TEX11: variants seen among roughly 807,000 people sequenced by gnomAD.
TEX11 encodes the protein testis-expressed protein 11.
Under a neutral mutation model 84.4 loss-of-function variants are expected in TEX11, and 7 were observed. The ratio of observed to expected loss-of-function variants is 0.08; its 90% CI spans 0.05 to 0.16. TEX11 has a LOEUF of 0.16. Ranked by LOEUF, TEX11 falls within the 10% of genes least tolerant of loss-of-function variation. The pLI is 1.00. For synonymous variants in TEX11, 264 were observed against 222.8 expected (o/e 1.18, Z -1.64); for missense variants, 551 against 660.5 (o/e 0.83, Z 1.82).
At chrX:70,632,159 T>C (rs2089518652) in intron 17 of TEX11, among the ~76,000 whole-genome samples, 1 of 110,019 alleles carries the variant, frequency 9.1e-6, no homozygotes, top group African/African-American at 3.3e-5. Context: ...TATCAAAATT[T>C]GTGTATCGTC....
chrX:70,592,304 G>A (rs1036907582), intron 24 of TEX11, among the ~76,000 whole-genome samples: 7 of 111,274 alleles, frequency 6.3e-5, no homozygotes, highest in African/African-American at 2.0e-4. Flanking sequence ...CTCACCATCC[G>A]CCAGCTCAGT....
chrX:70,731,876 C>T (rs1455929159), intron 11 of TEX11, among the ~76,000 whole-genome samples: 11 of 111,508 alleles, frequency 9.9e-5, no homozygotes, highest in South Asian at 3.9e-4. Flanking sequence ...ACCAATATCC[C>T]TGATGAACAT....
chrX:70,624,954 T>A lies in TEX11; in HGVS notation c.1609-30A>T, dbSNP rs776293279. The A allele has an allele frequency of 2.9e-6, 3 of 1,051,234 alleles. No individual in the cohort carries two copies. The East Asian group carries it at 9.2e-5, about 32-fold the overall frequency. The allele number at this position is 1,051,234 out of a possible 1,213,427, so 86.6% of individuals were successfully genotyped here. A position where few individuals can be genotyped will look rare whatever the true frequency, so the allele number is the denominator to read the frequency against. On this transcript the variant is annotated intron_variant, in intron 18 of 29. Coordinates refer to ENST00000374333, the MANE Select transcript of TEX11 (RefSeq NM_031276.3). ...AAAGAACAAATATAATACGTTAAAT[T>A]ACATCTCAAAGTGATACTGCAAAAT...
chrX:70,706,136 G>T (rs2090372933), intron 13 of TEX11, among the ~76,000 whole-genome samples: 1 of 111,217 alleles, frequency 9.0e-6, no homozygotes, highest in African/African-American at 3.3e-5. Context: ...CCATAAAAAA[G>T]GATGGGTTCA....
At chrX:70,865,434 C>A (rs1394879497) in intron 4 of TEX11, among the ~76,000 whole-genome samples, 2 of 111,416 alleles carry the variant, frequency 1.8e-5, no homozygotes, top group Middle Eastern at 4.2e-3. Context: ...AACTCCCACA[C>A]AATAATAGCG....
At chrX:70,642,063 A>C (rs1370039528) in intron 17 of TEX11, among the ~76,000 whole-genome samples, 1 of 109,798 alleles carries the variant, frequency 9.1e-6, no homozygotes, top group East Asian at 2.8e-4. Context: ...TCAAATAGAC[A>C]CAATAAAAAA....
chrX:70,881,647 C>T (rs754569208), intron 2 of TEX11, among the ~76,000 whole-genome samples: 1 of 110,596 alleles, frequency 9.0e-6, no homozygotes, highest in Non-Finnish European at 1.9e-5. Flanking sequence ...TCCTATTTAC[C>T]CTGATGTGAT....
chrX:70,834,205 A>AT (rs397933935), intron 7 of TEX11, among the ~76,000 whole-genome samples: 15 of 109,614 alleles, frequency 1.4e-4, no homozygotes, highest in South Asian at 7.8e-4. Context: ...AAAAAAAAAA[A>AT]TTTTAAGAAA....
intron 9 of TEX11, among the ~76,000 whole-genome samples, chrX:70,750,146 T>G (rs1461911075): frequency 8.9e-6 from 1 of 111,814 alleles, no homozygotes; most frequent in African/African-American, 3.3e-5. Flanking sequence ...AGAAGACATT[T>G]ATGCAGCCAA....
chrX:70,782,734 A>G (rs1188153440), intron 9 of TEX11, among the ~76,000 whole-genome samples: 2 of 109,698 alleles, frequency 1.8e-5, no homozygotes, highest in African/African-American at 6.7e-5. Flanking sequence ...AAGACAAAGA[A>G]GGCCATTACA....
intron 13 of TEX11, among the ~76,000 whole-genome samples, chrX:70,721,550 G>A (rs1462773944): frequency 8.9e-6 from 1 of 111,969 alleles, no homozygotes. Flanking sequence ...ATCAATTAAT[G>A]GATTGCTGTT....
intron 3 of TEX11, among the ~76,000 whole-genome samples, chrX:70,878,755 A>C (rs905107277): frequency 1.8e-5 from 2 of 110,823 alleles, no homozygotes; most frequent in Non-Finnish European, 3.8e-5. Flanking sequence ...ATAATAGCCA[A>C]AAGGTGGAAG....
chrX:70,624,726 G>A (rs1281393535), intron 19 of TEX11, 113 bp downstream of exon 19: 2 of 528,014 alleles, frequency 3.8e-6, no homozygotes, highest in East Asian at 3.9e-5. Context: ...CCTCTGCTTC[G>A]CTATTTTATG....
At chrX:70,619,901 C>T (rs1321808600) in intron 20 of TEX11, among the ~76,000 whole-genome samples, 2 of 109,113 alleles carry the variant, frequency 1.8e-5, no homozygotes, top group Admixed American at 9.7e-5. Flanking sequence ...CTCTGCCTCC[C>T]GGGTTCATGC....
intron 8 of TEX11, among the ~76,000 whole-genome samples, chrX:70,826,917 G>C (rs1274762220): frequency 1.8e-5 from 2 of 111,256 alleles, no homozygotes; most frequent in African/African-American, 6.5e-5. Context: ...ACGTGACCTA[G>C]GGAGACAACA....
chrX:70,754,265 G>C (rs1208387013), intron 9 of TEX11, among the ~76,000 whole-genome samples: 1 of 111,013 alleles, frequency 9.0e-6, no homozygotes, highest in African/African-American at 3.3e-5. Flanking sequence ...TGACTGAAGA[G>C]CCCTTGGGCC....
At chrX:70,563,783 T>A (rs1188835614) in intron 25 of TEX11, among the ~76,000 whole-genome samples, 1 of 112,907 alleles carries the variant, frequency 8.9e-6, no homozygotes, top group African/African-American at 3.2e-5. Flanking sequence ...GAGATTATTA[T>A]ATTTTCCTCT....
chrX:70,778,973 G>A (rs2091019335), intron 9 of TEX11, among the ~76,000 whole-genome samples: 1 of 110,753 alleles, frequency 9.0e-6, no homozygotes, highest in Non-Finnish European at 1.9e-5. Flanking sequence ...ATTTCAGGAG[G>A]CCCAGGCAGG....
intron 16 of TEX11, among the ~76,000 whole-genome samples, chrX:70,657,706 A>C (rs1334442093): frequency 9.1e-6 from 1 of 110,099 alleles, no homozygotes; most frequent in Non-Finnish European, 1.9e-5. Context: ...CTGGATTAAG[A>C]AAATGTGGCA....
Sources: gnomAD v4.1 joint callset for allele counts (sites outside exome capture counted in the v4.1 genomes callset) on GRCh38, gnomAD v4.1.1 for gene constraint, MANE v1.5 for transcripts, NCBI Gene and HGNC (gene_info 2026-07-23, HGNC 2026-07-21) for gene names.